The following TMEM260 variants were observed in gnomAD, a reference collection of about 807,000 sequenced individuals.
TMEM260 encodes protein O-mannosyl-transferase TMEM260.
TMEM260 carries 82 observed loss-of-function variants against 88.9 expected under a neutral mutation model. The ratio of observed to expected loss-of-function variants is 0.92; its 90% CI spans 0.77 to 1.11. The LOEUF is 1.11. Among genes scored for constraint, TMEM260 ranks in the 50% least tolerant of loss-of-function variants. TMEM260 has a pLI of 0.00. For missense variants in TMEM260, 902 were observed against 853.4 expected, an observed-to-expected ratio of 1.06 and a Z score of -0.71; for synonymous variants, 314 against 309.3, an observed-to-expected ratio of 1.02 and a Z score of -0.16.
chr14:56,622,233 C>T (rs1887971057), intron 11 of TMEM260, among the ~76,000 whole-genome samples: 1 of 149,336 alleles, frequency 6.7e-6, no homozygotes, highest in African/African-American at 2.5e-5. Flanking sequence ...GTCCCAGCTA[C>T]TCGGGAGGCT....
the TMEM260 span, among the ~76,000 whole-genome samples, chr14:56,662,578 A>C: frequency 6.6e-6 from 1 of 152,162 alleles, no homozygotes; most frequent in South Asian, 2.1e-4. Flanking sequence ...AATCCACACA[A>C]ATTAAATGGC....
chr14:56,581,872 A>C (rs555574915), intron 1 of TMEM260, among the ~76,000 whole-genome samples: 1 of 152,308 alleles, frequency 6.6e-6, no homozygotes, highest in African/African-American at 2.4e-5. Flanking sequence ...ATCCACCATC[A>C]CATATGTAGT....
chr14:56,579,666 C>T, upstream of TMEM260: 1 of 389,022 alleles, frequency 2.6e-6, no homozygotes, highest in Non-Finnish European at 4.5e-6. Context: ...CCTTAAATCA[C>T]ATTATAAGTA....
At position 56,585,790 on chromosome 14, in the gene TMEM260, C is replaced by A; in HGVS notation, c.222C>A (p.Phe74Leu). ...CCCATCCTCCTGGCTATCCTTTGTT[C>A]ACGCTGGTGGCTAAACTGGCAATTA... is the stretch of plus-strand genomic sequence containing the variant. ...GVAHPPGYPL[F>L]TLVAKLAITL... Residue 74 changes from phenylalanine (F) to leucine (L), a missense_variant, in exon 3 of 16, where the codon TTC becomes TTA. Phe to Leu is a conservative substitution (Grantham distance 22). Coordinates refer to ENST00000261556, the MANE Select transcript of TMEM260 (RefSeq NM_017799.4). 2 of 1,613,416 alleles carry A rather than the reference C, an allele frequency of 1.2e-6. No individual in the cohort carries two copies. Among genetic ancestry groups the A allele is most frequent in the East Asian group, 2.2e-5 (1 of 44,858 alleles).
At chr14:56,602,336 A>G (rs1407163480) in intron 3 of TMEM260, among the ~76,000 whole-genome samples, 3 of 152,152 alleles carry the variant, frequency 2.0e-5, no homozygotes, top group Non-Finnish European at 4.4e-5. Flanking sequence ...AGGCATAGGC[A>G]TGTCTTATTA....
At chr14:56,635,301 A>G (rs1465994792) in intron 14 of TMEM260, among the ~76,000 whole-genome samples, 1 of 152,238 alleles carries the variant, frequency 6.6e-6, no homozygotes, top group Non-Finnish European at 1.5e-5. Flanking sequence ...TTGAGTAGAA[A>G]TTAATCATTA....
chr14:56,623,154 T>C (rs565910328), intron 11 of TMEM260, among the ~76,000 whole-genome samples: 6 of 152,306 alleles, frequency 3.9e-5, no homozygotes, highest in Admixed American at 1.3e-4. Context: ...TTATGTAAGT[T>C]AGGGTGCATT....
chr14:56,629,565 T>TATGA (rs1236607696), intron 12 of TMEM260, among the ~76,000 whole-genome samples: 1 of 152,242 alleles, frequency 6.6e-6, no homozygotes, highest in Non-Finnish European at 1.5e-5. Context: ...TTTCCTCTTG[T>TATGA]ATGATTTCCC....
intron 3 of TMEM260, among the ~76,000 whole-genome samples, chr14:56,601,397 A>C (rs1321112669): frequency 1.3e-5 from 2 of 152,134 alleles, no homozygotes; most frequent in Non-Finnish European, 2.9e-5. Flanking sequence ...TTTTCACTAG[A>C]ATAGATTGGG....
At chr14:56,652,486 T>G, downstream of TMEM260, among the ~76,000 whole-genome samples, 1 of 95,534 alleles carries the variant, frequency 1.0e-5, no homozygotes, top group Non-Finnish European at 2.1e-5. Flanking sequence ...TGACAGAGTG[T>G]CTCAAAAAAA....
At chr14:56,602,029 CAT>C (rs1216102720) in intron 3 of TMEM260, among the ~76,000 whole-genome samples, 1 of 152,048 alleles carries the variant, frequency 6.6e-6, no homozygotes, top group African/African-American at 2.4e-5. Flanking sequence ...ATATATGAAA[CAT>C]AGAAGTTCCT....
intron 3 of TMEM260, among the ~76,000 whole-genome samples, chr14:56,596,406 G>A (rs866729649): frequency 0.03 from 3,368 of 111,066 alleles, 100 homozygotes; most frequent in African/African-American, 0.073. Flanking sequence ...GTGTGTGTGT[G>A]TATATATATA....
At chr14:56,607,419 A>C (rs939189430) in intron 5 of TMEM260, among the ~76,000 whole-genome samples, 2 of 152,170 alleles carry the variant, frequency 1.3e-5, no homozygotes, top group African/African-American at 4.8e-5. Flanking sequence ...AGAGTGATGA[A>C]ATTGTGAAAA....
chr14:56,595,595 T>A (rs1886155125), intron 3 of TMEM260, among the ~76,000 whole-genome samples: 1 of 152,170 alleles, frequency 6.6e-6, no homozygotes, highest in African/African-American at 2.4e-5. Flanking sequence ...TCCTCCTGCT[T>A]CAGCCTCCCA....
intron 3 of TMEM260, among the ~76,000 whole-genome samples, chr14:56,594,000 A>G (rs1886052561): frequency 6.6e-6 from 1 of 152,082 alleles, no homozygotes; most frequent in Non-Finnish European, 1.5e-5. Context: ...AGTGTCTTTT[A>G]TAATACAAGG....
At chr14:56,621,447 A>C (rs1039761873) in intron 10 of TMEM260, 84 bp from the exon 11 acceptor site, 120 of 980,758 alleles carry the variant, frequency 1.2e-4, no homozygotes, top group Non-Finnish European at 1.7e-4. Context: ...TGATGGGAAA[A>C]GAATGGCATA....
intron 6 of TMEM260, among the ~76,000 whole-genome samples, chr14:56,611,704 A>G (rs969745063): frequency 6.6e-6 from 1 of 152,202 alleles, no homozygotes; most frequent in Non-Finnish European, 1.5e-5. Flanking sequence ...ACCCAAAGGG[A>G]TATAAATTGT....
chr14:56,643,053 G>C (rs550638551), intron 15 of TMEM260, among the ~76,000 whole-genome samples: 2 of 152,300 alleles, frequency 1.3e-5, no homozygotes, highest in African/African-American at 4.8e-5. Context: ...TCCAGGACCA[G>C]ATGGATTCAT....
At chr14:56,596,206 A>G (rs541038000) in intron 3 of TMEM260, among the ~76,000 whole-genome samples, 1 of 152,134 alleles carries the variant, frequency 6.6e-6, no homozygotes, top group Admixed American at 6.5e-5. Context: ...TAATTTTATC[A>G]AGCATTATTT....
Sources: allele counts gnomAD v4.1 joint callset (sites outside exome capture counted in the v4.1 genomes callset), GRCh38; gene constraint gnomAD v4.1.1; transcripts MANE v1.5; gene names NCBI Gene and HGNC (gene_info 2026-07-23, HGNC 2026-07-21).